Variants in CHL1 observed in about 807,000 individuals in gnomAD.
CHL1 encodes cell adhesion molecule L1 like, also known as neural cell adhesion molecule L1-like protein.
In CHL1, 96 loss-of-function variants were observed where a neutral mutation model predicts 141.9. That is an observed-to-expected ratio of 0.68 (90% CI 0.57 to 0.80). The LOEUF is 0.80. CHL1 is among the 30% of genes least tolerant of loss of function. The pLI is 0.00. For synonymous variants in CHL1, 613 were observed against 502.2 expected, an observed-to-expected ratio of 1.22 and a Z score of -2.95; for missense variants, 1,820 against 1,457.2, an observed-to-expected ratio of 1.25 and a Z score of -4.05.
rs1706533584 is a variant in CHL1 at position 377,873 on chromosome 3, G to A, written c.1807G>A (p.Gly603Ser). Residue 603 changes from glycine to serine, a missense_variant, in exon 16 of 28, where the codon GGT becomes AGT. By Grantham distance (56) the Gly-to-Ser change is moderately conservative (BLOSUM62 0). Transcript: ENST00000256509. ...ATCTAATGTAACTTTAGAGGACCAA[G>A]GTATTTACTGCTGTTCAGCTCATAC... ...TISNVTLEDQ[G>S]IYCCSAHTAL... 1 of 1,611,776 alleles carries A rather than the reference G, an allele frequency of 6.2e-7. No homozygotes were observed. The highest frequency in any genetic ancestry group is 1.1e-5 in the South Asian group (1 of 90,930).
chr3:301,737 G>A (rs188207334), intron 2 of CHL1, among the ~76,000 whole-genome samples: 14 of 152,050 alleles, frequency 9.2e-5, no homozygotes, highest in South Asian at 6.2e-4. Context: ...GTCTTTTTCC[G>A]GAAAGAAGAC....
At chr3:341,000 A>C in intron 6 of CHL1, 84 bp downstream of exon 6, 2 of 1,371,488 alleles carry the variant, frequency 1.5e-6, no homozygotes, top group South Asian at 2.6e-5. Flanking sequence ...CCAAAGACAA[A>C]ATAAAAAATA....
In CHL1 at chr3:351,375, C is replaced by T. The variant is rs532232067; in HGVS notation, c.1033+1832C>T. 3.3e-5 allele frequency among the ~76,000 whole-genome samples: 5 copies of T among 152,174 alleles called. No individual in the cohort carries two copies. The South Asian group carries it at 1.0e-3, about 32-fold the overall frequency. ...CTTTAGTAAGAAACTATTAAATGTA[C>T]CTTCAGTTGTATGTTTTTGAAGTTT... On this transcript the variant is annotated intron_variant, in intron 10 of 27. Transcript: ENST00000256509.
At position 401,631 on chromosome 3, in the gene CHL1, GA is replaced by G; in HGVS notation, c.3395del (p.Lys1132ArgfsTer13). 6.3e-7 allele frequency: 1 copy of G among 1,584,172 alleles called. No individual in the cohort carries two copies. The highest frequency in any genetic ancestry group is 8.6e-7 in the Non-Finnish European group (1 of 1,162,232). On this transcript the variant is annotated frameshift_variant, in exon 27 of 28. Transcript: ENST00000256509. LOFTEE classifies it high-confidence loss of function. ...ACTTTTTTTCTCTTTTTTAGTTAAA[GA>G]AAAGGAAGATTTGCATCCAGACCCA... is the stretch of plus-strand genomic sequence containing the variant. The part of the protein sequence containing the change: ...RNRGGKYSVK[E>X]KEDLHPDPEI...
intron 1 of CHL1, among the ~76,000 whole-genome samples, chr3:200,091 A>G (rs1396737364): frequency 6.6e-6 from 1 of 152,170 alleles, no homozygotes. Context: ...AATTCATGTG[A>G]TCATTTACAT....
intron 10 of CHL1, 48 bp downstream of exon 10, chr3:349,591 T>A (rs1230551778): frequency 1.2e-5 from 18 of 1,486,924 alleles, no homozygotes; most frequent in East Asian, 9.1e-5. Context: ...AAAAAGTAAC[T>A]GTATACATGT....
At chr3:232,302 C>T (rs1701934616) in intron 1 of CHL1, among the ~76,000 whole-genome samples, 1 of 152,066 alleles carries the variant, frequency 6.6e-6, no homozygotes, top group African/African-American at 2.4e-5. Context: ...GCTCTTTGTA[C>T]TAAGTTATTT....
At chr3:277,845 A>C (rs1202969902) in intron 2 of CHL1, among the ~76,000 whole-genome samples, 1 of 152,236 alleles carries the variant, frequency 6.6e-6, no homozygotes, top group Non-Finnish European at 1.5e-5. Context: ...TTATTACATG[A>C]TGCAAATATT....
chr3:230,159 G>A (rs1701733396), intron 1 of CHL1, among the ~76,000 whole-genome samples: 1 of 152,166 alleles, frequency 6.6e-6, no homozygotes, highest in Non-Finnish European at 1.5e-5. Flanking sequence ...AAGGATCAAA[G>A]GATCTCTTGT....
chr3:234,911 C>A (rs1395168636), intron 1 of CHL1, among the ~76,000 whole-genome samples: 1 of 152,070 alleles, frequency 6.6e-6, no homozygotes. Flanking sequence ...TCTTTTCACA[C>A]CTAAATAAGC....
intron 8 of CHL1, among the ~76,000 whole-genome samples, chr3:343,499 C>T (rs1234729008): frequency 6.6e-6 from 1 of 152,152 alleles, no homozygotes; most frequent in Non-Finnish European, 1.5e-5. Flanking sequence ...CAGTTTGTAG[C>T]ATTTTTCAAG....
chr3:213,862 A>G (rs190697397), intron 1 of CHL1, among the ~76,000 whole-genome samples: 3 of 152,340 alleles, frequency 2.0e-5, no homozygotes, highest in East Asian at 3.9e-4. Flanking sequence ...CCACATGTTC[A>G]TAATCTAGTA....
chr3:345,954 C>T (rs770443400), intron 9 of CHL1, among the ~76,000 whole-genome samples: 5 of 152,172 alleles, frequency 3.3e-5, no homozygotes, highest in African/African-American at 4.8e-5. Flanking sequence ...TCCGAACTTA[C>T]GGTCCTTCCC....
rs1159250296 is a variant in CHL1, at chr3:342,075, TAAC to T, written c.674_676del (p.Asn225del). On this transcript the variant is annotated inframe_deletion, in exon 7 of 28. Transcript: ENST00000256509. ...AGAAAATGCCAATGAAACTAACAGT[TAAC>T]AGTTGTAAGTCCACATAATTTATCG... 4 of 1,608,394 alleles carry T rather than the reference TAAC, an allele frequency of 2.5e-6. No individual in the cohort carries two copies. In the Admixed American group the frequency reaches 5.0e-5, roughly 20 times the overall value.
At chr3:366,876 A>C (rs974911838) in intron 15 of CHL1, among the ~76,000 whole-genome samples, 1 of 152,148 alleles carries the variant, frequency 6.6e-6, no homozygotes, top group Non-Finnish European at 1.5e-5. Flanking sequence ...TGCCAGAACC[A>C]CTGTCTGCTC....
intron 2 of CHL1, among the ~76,000 whole-genome samples, chr3:318,503 A>G (rs1700306333): frequency 6.6e-6 from 1 of 151,870 alleles, no homozygotes; most frequent in Non-Finnish European, 1.5e-5. Context: ...ATGTATAAAC[A>G]ATGTTTAGAC....
At chr3:239,958 T>C (rs1692396018) in intron 1 of CHL1, among the ~76,000 whole-genome samples, 1 of 152,212 alleles carries the variant, frequency 6.6e-6, no homozygotes, top group South Asian at 2.1e-4. Flanking sequence ...TATTCCATCA[T>C]ATATATTTAC....
chr3:197,825 G>T (rs1445160648), intron 1 of CHL1: 1 of 456,294 alleles, frequency 2.2e-6, no homozygotes, highest in South Asian at 1.5e-5. Flanking sequence ...GGAGATGCCG[G>T]TCGCGGATGG....
intron 1 of CHL1, among the ~76,000 whole-genome samples, chr3:216,085 C>A (rs1006064927): frequency 6.6e-6 from 1 of 151,936 alleles, no homozygotes; most frequent in African/African-American, 2.4e-5. Context: ...ACCTGGCTGC[C>A]AAAATATGGC....
Sources: allele counts gnomAD v4.1 joint callset (sites outside exome capture counted in the v4.1 genomes callset), GRCh38; gene constraint gnomAD v4.1.1; transcripts MANE v1.5; gene names NCBI Gene and HGNC (gene_info 2026-07-23, HGNC 2026-07-21).